IVD: variants seen among roughly 807,000 people sequenced by gnomAD.
IVD encodes the protein isovaleryl-CoA dehydrogenase, mitochondrial.
Under a neutral mutation model 51.3 loss-of-function variants are expected in IVD, and 31 were observed. That is an observed-to-expected ratio of 0.60 (90% confidence interval 0.45 to 0.81). IVD has a LOEUF of 0.81. Ranked by LOEUF, IVD falls within the 40% of genes least tolerant of loss-of-function variation. The probability of loss-of-function intolerance (pLI) is 0.00; values close to 1 mark genes in which losing one functional copy is unlikely to be tolerated. For synonymous variants in IVD, 205 were observed against 219.4 expected (o/e 0.93, Z 0.58); for missense variants, 475 against 552.0 (o/e 0.86, Z 1.40).
In IVD at chr15:40,417,895, ATATG is replaced by A. The variant is rs568141395; in HGVS notation, c.1139-234_1139-231del. Among the ~76,000 whole-genome samples the A allele has an allele frequency of 3.9e-5, 6 of 152,326 alleles. No individual in the cohort carries two copies. In the South Asian group the frequency reaches 1.2e-3, roughly 32 times the overall value. The stretch of plus-strand genomic sequence containing the variant: ...ATGTATAGGGAAAAAAACAACATAT[ATATG>A]GGGTTCGGTACTATCTACGGTTTCA... On this transcript the variant is annotated intron_variant, in intron 11 of 11. Transcript: ENST00000487418.
At chr15:40,428,709 G>A (rs1296159094), downstream of IVD, among the ~76,000 whole-genome samples, 1 of 152,166 alleles carries the variant, frequency 6.6e-6, no homozygotes, top group Non-Finnish European at 1.5e-5. Flanking sequence ...CCTCCTGTTC[G>A]GGACTCCTGA....
At chr15:40,435,301 G>A (rs1258188996) in intron 8 of IVD, 3 of 668,550 alleles carry the variant, frequency 4.5e-6, no homozygotes, top group East Asian at 2.7e-4. Context: ...GGGAGGAGTG[G>A]AGCATGGGGG....
Position 40,411,286 on chromosome 15 carries a change from C to T in IVD, c.483C>T (p.Ala161=), listed in dbSNP as rs751760095. Residue 161 remains alanine (A), a synonymous_variant, in exon 5 of 12, where the codon GCC becomes GCT. Transcript: ENST00000487418. ...TGATCAGTGGTGAGTACATCGGAGC[C>T]CTGGCCATGAGTGAGCCCAATGCAG... ...PKLISGEYIG[A]LAMSEPNAGS... The T allele has an allele frequency of 5.6e-6, 9 of 1,614,004 alleles. No homozygotes were observed. The African/African-American group carries it at 8.0e-5, about 14-fold the overall frequency.
At chr15:40,410,483 C>A in intron 3 of IVD, 145 bp from the exon 4 acceptor site, 1 of 933,374 alleles carries the variant, frequency 1.1e-6, no homozygotes, top group Non-Finnish European at 1.7e-6. Context: ...AGGTCTGTGG[C>A]ATCAGCTTAT....
At chr15:40,410,404 A>G (rs1890938482) in intron 3 of IVD, among the ~76,000 whole-genome samples, 1 of 152,186 alleles carries the variant, frequency 6.6e-6, no homozygotes, top group African/African-American at 2.4e-5. Context: ...AGTTGCAATG[A>G]TTGCCTTCTG....
intron 3 of IVD, 66 bp downstream of exon 3, chr15:40,408,056 A>T (rs536132542): frequency 2.7e-6 from 4 of 1,455,210 alleles, no homozygotes; most frequent in Non-Finnish European, 3.9e-6. Context: ...TTCCCAAAAG[A>T]AGCAGGAAGG....
chr15:40,435,410 C>A, intron 8 of IVD: 1 of 1,152,860 alleles, frequency 8.7e-7, no homozygotes, highest in Non-Finnish European at 1.1e-6. Flanking sequence ...GGCTCTCTTT[C>A]CCCTAGGGCA....
At chr15:40,414,239 G>C (rs1891406440) in intron 7 of IVD, among the ~76,000 whole-genome samples, 1 of 152,216 alleles carries the variant, frequency 6.6e-6, no homozygotes, top group South Asian at 2.1e-4. Flanking sequence ...GCCCAAAAAA[G>C]TGTACTTTAA....
Position 40,421,035 on chromosome 15 carries a change from G to A in IVD, c.*2772G>A, listed in dbSNP as rs548430607. The A allele has an allele frequency of 5.8e-5, 57 of 985,412 alleles. No homozygotes were observed. In the Admixed American group the frequency reaches 2.3e-3, roughly 39 times the overall value. 61.0% of individuals were successfully genotyped at this position (985,412 alleles called of 1,614,324 possible). The stretch of plus-strand genomic sequence containing the variant: ...TTGGCTCCTCACCAACCCCAGTTCC[G>A]TCCCATCCTGAGGGCAAGATCCTGG... On this transcript the variant is annotated 3_prime_UTR_variant, in exon 12 of 12. Coordinates refer to ENST00000487418, the MANE Select transcript of IVD (RefSeq NM_002225.5).
downstream of IVD, among the ~76,000 whole-genome samples, chr15:40,422,636 G>T: frequency 1.9e-5 from 2 of 105,372 alleles, no homozygotes; most frequent in African/African-American, 3.9e-5. Context: ...GTCTCACTTT[G>T]TCATCTAGGC....
intron 6 of IVD, among the ~76,000 whole-genome samples, chr15:40,412,135 T>C (rs1891147950): frequency 6.6e-6 from 1 of 150,804 alleles, no homozygotes; most frequent in African/African-American, 2.4e-5. Flanking sequence ...TTTTTAGAAA[T>C]GAGAGAACTG....
downstream of IVD, among the ~76,000 whole-genome samples, chr15:40,422,585 C>CTTTTTTTTTTTTTTTTTT (rs1157351420): frequency 6.5e-4 from 45 of 69,144 alleles, 4 homozygotes; most frequent in African/African-American, 8.2e-4. Flanking sequence ...GCCCGGCCGA[C>CTTTTTTTTTTTTTTTTTT]TTTTTTTTTT....
At position 40,413,002 on chromosome 15, in the gene IVD, CT is replaced by C; in HGVS notation, c.702del (p.Phe234LeufsTer12). ...TGTTTCCTGTAAAGGGTATGCCTGG[CT>C]TTAGCACCTCTAAGAAGCTGGACAA... The part of the protein sequence containing the change: ...AFIVEKGMPG[F>X]STSKKLDKLG... On this transcript the variant is annotated frameshift_variant, in exon 7 of 12. Transcript: ENST00000487418. LOFTEE classifies it high-confidence loss of function. 1.2e-6 allele frequency: 2 copies of C among 1,613,944 alleles called. No homozygotes were observed. The highest frequency in any genetic ancestry group is 1.7e-6 in the Non-Finnish European group (2 of 1,179,832).
chr15:40,406,940 C>G (rs915162096), intron 1 of IVD, among the ~76,000 whole-genome samples: 3 of 151,790 alleles, frequency 2.0e-5, no homozygotes, highest in Non-Finnish European at 4.4e-5. Context: ...CTCCGCTCAC[C>G]ACAACGTCCG....
chr15:40,426,265 C>T (rs540524256), downstream of IVD, among the ~76,000 whole-genome samples: 2 of 151,736 alleles, frequency 1.3e-5, no homozygotes, highest in East Asian at 2.0e-4. Context: ...TGGCCAGACG[C>T]GGTGGCTTAT....
downstream of IVD, chr15:40,424,108 C>A (rs1892528095): frequency 1.6e-6 from 2 of 1,251,050 alleles, no homozygotes; most frequent in African/African-American, 3.1e-5. Context: ...ATCTTAACAT[C>A]CTGCCAACTT....
Position 40,420,603 on chromosome 15 carries a change from A to G in IVD, c.*2340A>G, listed in dbSNP as rs780172576. On this transcript the variant is annotated 3_prime_UTR_variant, in exon 12 of 12. Transcript: ENST00000487418. The stretch of plus-strand genomic sequence containing the variant: ...AATCAGCCCTTAGGAGAGAGGTCTC[A>G]GCCTCCCTTTCCCAGATCTCCCAGT... 48 of 987,452 alleles carry G rather than the reference A, an allele frequency of 4.9e-5. No homozygotes were observed. The highest frequency in any genetic ancestry group is 5.8e-5 in the Non-Finnish European group (48 of 830,108). The allele number at this position is 987,452 out of a possible 1,614,324, so 61.2% of individuals were successfully genotyped here.
intron 7 of IVD, among the ~76,000 whole-genome samples, chr15:40,429,561 G>A (rs1271697772): frequency 6.6e-6 from 1 of 152,188 alleles, no homozygotes; most frequent in Admixed American, 6.5e-5. Context: ...ACTTGGCTCA[G>A]TGGAGGCCCT....
intron 1 of IVD, among the ~76,000 whole-genome samples, chr15:40,407,333 T>C (rs538144277): frequency 6.6e-6 from 1 of 152,300 alleles, no homozygotes; most frequent in East Asian, 1.9e-4. Flanking sequence ...TCAGCTGGGG[T>C]CAGCTCCTGC....
Sources: gnomAD v4.1 joint callset for allele counts (sites outside exome capture counted in the v4.1 genomes callset) on GRCh38, gnomAD v4.1.1 for gene constraint, MANE v1.5 for transcripts, NCBI Gene and HGNC (gene_info 2026-07-23, HGNC 2026-07-21) for gene names.